The following SNUPN variants were observed in gnomAD, a reference collection of about 807,000 sequenced individuals.
The protein encoded by SNUPN is snurportin-1.
Under a neutral mutation model 39.2 loss-of-function variants are expected in SNUPN, and 31 were observed. That is an observed-to-expected ratio of 0.79 (90% CI 0.59 to 1.07). The LOEUF (loss-of-function observed/expected upper bound fraction) is 1.07. Ranked by LOEUF, SNUPN falls within the 50% of genes least tolerant of loss-of-function variation. The probability of loss-of-function intolerance (pLI) is 0.00; values close to 1 mark genes in which losing one functional copy is unlikely to be tolerated. For synonymous variants in SNUPN, 132 were observed against 159.0 expected, an observed-to-expected ratio of 0.83 and a Z score of 1.28; for missense variants, 382 against 434.2, an observed-to-expected ratio of 0.88 and a Z score of 1.07.
chr15:75,624,767 T>TTTG (rs769067311), intron 1 of SNUPN: 11 of 1,282,508 alleles, frequency 8.6e-6, no homozygotes, highest in Middle Eastern at 4.3e-4. Flanking sequence ...TTGTTTTTTC[T>TTTG]TTGTTGTTGT....
At chr15:75,607,478 C>T (rs1010770548) in intron 5 of SNUPN, among the ~76,000 whole-genome samples, 165 bp from the exon 6 acceptor site, 1 of 152,154 alleles carries the variant, frequency 6.6e-6, no homozygotes, top group East Asian at 1.9e-4. Flanking sequence ...GAGAACCCTG[C>T]CTGGCTACCA....
rs998372658 is a variant in SNUPN at position 75,602,355 on chromosome 15, G to A, written c.679-1137C>T. ...AGTCTGACCAATATGGCGAAACCCC[G>A]TCTCTACTAAAAATACAAAAATTAG... is the stretch of plus-strand genomic sequence containing the variant. On this transcript the variant is annotated intron_variant, in intron 7 of 8. Coordinates refer to ENST00000308588, the MANE Select transcript of SNUPN (RefSeq NM_005701.4). Among the ~76,000 whole-genome samples, 7 of 151,964 alleles carry A rather than the reference G, an allele frequency of 4.6e-5. No individual in the cohort carries two copies. In the South Asian group the frequency reaches 1.0e-3, roughly 23 times the overall value.
intron 5 of SNUPN, among the ~76,000 whole-genome samples, chr15:75,609,254 A>G (rs1892713903): frequency 1.4e-5 from 2 of 139,714 alleles, no homozygotes; most frequent in Non-Finnish European, 3.0e-5. Flanking sequence ...CAGTGGTGCA[A>G]TCTCGGCTCA....
chr15:75,609,067 GT>G (rs1319509988), intron 5 of SNUPN, among the ~76,000 whole-genome samples: 20 of 148,844 alleles, frequency 1.3e-4, no homozygotes, highest in African/African-American at 4.7e-4. Context: ...GGAGGCGGAA[GT>G]TGCAGTGAGC....
At chr15:75,620,308 T>C (rs920994896) in intron 2 of SNUPN, among the ~76,000 whole-genome samples, 2 of 152,298 alleles carry the variant, frequency 1.3e-5, no homozygotes, top group East Asian at 3.9e-4. Context: ...CCATGCTGCA[T>C]TGAGAATACA....
At chr15:75,607,126 T>G in intron 6 of SNUPN, 90 bp downstream of exon 6, 1 of 843,382 alleles carries the variant, frequency 1.2e-6, no homozygotes, top group Non-Finnish European at 2.1e-6. Flanking sequence ...CACCAAGAAG[T>G]TGGTCACATA....
At chr15:75,623,726 T>C (rs1413865204) in intron 1 of SNUPN, among the ~76,000 whole-genome samples, 4 of 152,054 alleles carry the variant, frequency 2.6e-5, no homozygotes, top group African/African-American at 9.7e-5. Context: ...ATTACAAGCA[T>C]GAGCCACTGC....
At chr15:75,613,254 A>G in intron 3 of SNUPN, among the ~76,000 whole-genome samples, 1 of 123,084 alleles carries the variant, frequency 8.1e-6, no homozygotes, top group Non-Finnish European at 1.8e-5. Flanking sequence ...GCAAGACTCC[A>G]TCTCAAAAAA....
chr15:75,598,677 T>C lies in SNUPN; in HGVS notation c.764A>G (p.Asp255Gly). ...CTGTTTGTGGTAGAAGAGAAGTCCA[T>C]CTACCTATAAGACAAGGGGAAATTG... ...VLSMDFPFEV[D>G]GLLFYHKQTH... The change falls in exon 9 of 9, where the codon GAT becomes GGT. Residue 255 changes from aspartate (D) to glycine (G), a missense_variant. By Grantham distance (94) the Asp-to-Gly change is moderately conservative. Transcript: ENST00000308588. The C allele has an allele frequency of 1.3e-6, 2 of 1,598,052 alleles. No homozygotes were observed. Among genetic ancestry groups the C allele is most frequent in the Non-Finnish European group, 1.7e-6 (2 of 1,168,016 alleles).
chr15:75,619,491 A>T (rs1893016357), intron 2 of SNUPN, among the ~76,000 whole-genome samples: 1 of 151,956 alleles, frequency 6.6e-6, no homozygotes, highest in Non-Finnish European at 1.5e-5. Flanking sequence ...AATATAAAAA[A>T]ATTAGCCAGG....
In SNUPN at chr15:75,617,397, G is replaced by A. The variant is rs1231045202; in HGVS notation, c.303+11C>T. On this transcript the variant is annotated intron_variant, in intron 3 of 8. Transcript: ENST00000308588. Reference sequence around the variant, plus strand: ...AGATTAGCTGGGTCTCATCTTCTCTGGACCACTTACTTGATTAGCATAGTG... The same window carrying A: ...AGATTAGCTGGGTCTCATCTTCTCTAGACCACTTACTTGATTAGCATAGTG... The A allele has an allele frequency of 1.9e-6, 3 of 1,612,004 alleles. No individual in the cohort carries two copies. The highest frequency in any genetic ancestry group is 2.5e-6 in the Non-Finnish European group (3 of 1,179,172).
intron 3 of SNUPN, among the ~76,000 whole-genome samples, chr15:75,615,289 G>A (rs1892894270): frequency 6.6e-6 from 1 of 152,050 alleles, no homozygotes; most frequent in African/African-American, 2.4e-5. Flanking sequence ...ACAGGCATGA[G>A]CCACTGTGCC....
chr15:75,609,778 T>C (rs1595984674), intron 4 of SNUPN, 112 bp downstream of exon 4: 1 of 1,147,440 alleles, frequency 8.7e-7, no homozygotes, highest in East Asian at 2.3e-5. Context: ...AGGAAAGTGT[T>C]TCAAGCTCCA....
intron 3 of SNUPN, among the ~76,000 whole-genome samples, chr15:75,613,762 T>C (rs926925652): frequency 1.3e-5 from 2 of 152,038 alleles, no homozygotes; most frequent in African/African-American, 4.8e-5. Flanking sequence ...ATGGCTATAT[T>C]TAAAAGGATG....
In SNUPN at chr15:75,621,007, A is replaced by C; in HGVS notation, c.45T>G (p.Ser15=). The change falls in exon 2 of 9, where the codon TCT becomes TCG. Residue 15 remains serine (S), a synonymous_variant. Coordinates refer to ENST00000308588, the MANE Select transcript of SNUPN (RefSeq NM_005701.4). ...SQALASSFSV[S]QDLNSTAAPH... is the part of the protein sequence containing the mutation. ...GGGCAGCTGTGCTGTTCAGATCTTG[A>C]GACACAGAAAAGCTACTAGCCAGGG... The C allele has an allele frequency of 3.1e-6, 5 of 1,614,158 alleles. No individual in the cohort carries two copies. Among genetic ancestry groups the C allele is most frequent in the Non-Finnish European group, 4.2e-6 (5 of 1,180,020 alleles).
At chr15:75,614,856 C>T (rs913847888) in intron 3 of SNUPN, among the ~76,000 whole-genome samples, 2 of 152,130 alleles carry the variant, frequency 1.3e-5, no homozygotes, top group Non-Finnish European at 2.9e-5. Flanking sequence ...GTATTTAAGG[C>T]ATATTATTTC....
rs754353456 is a variant in SNUPN, at chr15:75,617,568, A to AT, written c.159-17_159-16insA. ...CAGCCGCTTGCTGGAAGGAAAAAAA[A>AT]GGCATAAGGACATATCTTTTCTTCT... On this transcript the variant is annotated splice_polypyrimidine_tract_variant and intron_variant, in intron 2 of 8. Transcript: ENST00000308588. The AT allele has an allele frequency of 1.9e-6, 3 of 1,600,650 alleles. No individual in the cohort carries two copies. Among genetic ancestry groups the AT allele is most frequent in the Non-Finnish European group, 1.7e-6 (2 of 1,176,436 alleles).
At chr15:75,621,397 A>T (rs1893067441) in intron 1 of SNUPN, among the ~76,000 whole-genome samples, 1 of 151,786 alleles carries the variant, frequency 6.6e-6, no homozygotes, top group South Asian at 2.1e-4. Flanking sequence ...AGTAACTGAG[A>T]CTACAGGTAT....
At chr15:75,609,205 C>T (rs1158118068) in intron 5 of SNUPN, among the ~76,000 whole-genome samples, 4 of 90,124 alleles carry the variant, frequency 4.4e-5, no homozygotes, top group African/African-American at 1.7e-4. Flanking sequence ...TTTTTTGAGA[C>T]GGAGTCTCGC....
Sources: allele counts gnomAD v4.1 joint callset (sites outside exome capture counted in the v4.1 genomes callset), GRCh38; gene constraint gnomAD v4.1.1; transcripts MANE v1.5; gene names NCBI Gene and HGNC (gene_info 2026-07-23, HGNC 2026-07-21).